RBFOX2: variants seen among roughly 807,000 people sequenced by gnomAD.
The protein encoded by RBFOX2 is RNA binding fox-1 homolog 2.
A neutral mutation model predicts 49.1 loss-of-function variants in RBFOX2; 10 were observed. The ratio of observed to expected loss-of-function variants is 0.20; its 90% CI spans 0.13 to 0.35. RBFOX2 has a LOEUF of 0.35. Among genes scored for constraint, RBFOX2 ranks in the 10% least tolerant of loss-of-function variants. RBFOX2 has a pLI of 1.00. For missense variants in RBFOX2, 323 were observed against 486.9 expected (o/e 0.66, Z 3.17); for synonymous variants, 183 against 187.4 (o/e 0.98, Z 0.19).
intron 1 of RBFOX2, among the ~76,000 whole-genome samples, chr22:36,004,497 T>C (rs2058548025): frequency 6.6e-6 from 1 of 152,134 alleles, no homozygotes; most frequent in African/African-American, 2.4e-5. Context: ...CCAAGTACTG[T>C]CTGATAGTTA....
At chr22:35,846,330 TTGTGTGTGTGTGTGTGTG>T (rs35272106) in intron 1 of RBFOX2, among the ~76,000 whole-genome samples, 4 of 140,436 alleles carry the variant, frequency 2.8e-5, no homozygotes, top group African/African-American at 7.8e-5. Flanking sequence ...ATTTATATAG[TTGTGTGTGTGTGTGTGTG>T]TGTGTGTGTG....
chr22:36,013,652 G>C (rs1046049285), intron 1 of RBFOX2, among the ~76,000 whole-genome samples: 12 of 150,482 alleles, frequency 8.0e-5, no homozygotes, highest in African/African-American at 2.7e-4. Context: ...CACACACAGA[G>C]AGAGAGAGAG....
At chr22:36,008,799 T>C (rs2058709984) in intron 1 of RBFOX2, among the ~76,000 whole-genome samples, 1 of 151,828 alleles carries the variant, frequency 6.6e-6, no homozygotes, top group African/African-American at 2.4e-5. Context: ...GGCCACAGAA[T>C]GAGACACTGT....
At chr22:35,915,360 CTTTCCCCAGGGGAGAA>C (rs2050295315) in intron 1 of RBFOX2, among the ~76,000 whole-genome samples, 1 of 152,230 alleles carries the variant, frequency 6.6e-6, no homozygotes, top group African/African-American at 2.4e-5. Flanking sequence ...TAGCTAGATT[CTTTCCCCAGGGGAGAA>C]TGCAGGAAGT....
intron 1 of RBFOX2, among the ~76,000 whole-genome samples, chr22:35,886,750 T>TCA (rs955799587): frequency 6.6e-6 from 1 of 152,232 alleles, no homozygotes; most frequent in Admixed American, 6.5e-5. Flanking sequence ...ACTGATGCCT[T>TCA]CAACTGCATT....
intron 9 of RBFOX2, among the ~76,000 whole-genome samples, chr22:35,758,443 G>C (rs927401400): frequency 6.6e-6 from 1 of 152,118 alleles, no homozygotes; most frequent in Non-Finnish European, 1.5e-5. Flanking sequence ...AAATTCTCTT[G>C]GATTACAACG....
chr22:35,819,792 T>C (rs1027557592), intron 1 of RBFOX2, among the ~76,000 whole-genome samples: 2 of 152,310 alleles, frequency 1.3e-5, no homozygotes, highest in African/African-American at 2.4e-5. Context: ...AATAAACAGA[T>C]GGTATGCTAC....
chr22:35,979,444 T>C (rs2057353208), intron 1 of RBFOX2, among the ~76,000 whole-genome samples: 1 of 152,184 alleles, frequency 6.6e-6, no homozygotes, highest in African/African-American at 2.4e-5. Context: ...AAGTCCTATT[T>C]CGGGGAATAC....
At chr22:35,970,448 A>C (rs943551879) in intron 1 of RBFOX2, among the ~76,000 whole-genome samples, 2 of 151,798 alleles carry the variant, frequency 1.3e-5, no homozygotes, top group South Asian at 2.1e-4. Flanking sequence ...CAGGAGCTCA[A>C]GACCAGCCTG....
intron 1 of RBFOX2, among the ~76,000 whole-genome samples, chr22:35,893,310 A>G (rs750900448): frequency 1.3e-5 from 2 of 152,210 alleles, no homozygotes; most frequent in Non-Finnish European, 2.9e-5. Context: ...TCCAGGGTTA[A>G]TAAGTAAAAA....
At chr22:35,801,233 C>T (rs1220515922) in intron 2 of RBFOX2, among the ~76,000 whole-genome samples, 2 of 152,094 alleles carry the variant, frequency 1.3e-5, no homozygotes, top group Non-Finnish European at 2.9e-5. Context: ...AACAACGCTT[C>T]CTGTCTAACT....
chr22:35,745,247 T>C (rs1335168024), intron 11 of RBFOX2, among the ~76,000 whole-genome samples: 2 of 152,222 alleles, frequency 1.3e-5, no homozygotes, highest in Non-Finnish European at 2.9e-5. Context: ...CACTGTGGAA[T>C]GGCCTGTCTT....
chr22:35,841,093 G>C (rs553420914), upstream of RBFOX2, among the ~76,000 whole-genome samples: 18 of 152,290 alleles, frequency 1.2e-4, 1 homozygote, highest in South Asian at 3.5e-3. Flanking sequence ...TCTGAAAAAG[G>C]TGTCTACAAA....
intron 4 of RBFOX2, among the ~76,000 whole-genome samples, chr22:35,775,883 G>T (rs1446333537): frequency 8.0e-6 from 1 of 124,832 alleles, no homozygotes. Flanking sequence ...AAAAGAAAAA[G>T]AATTGGTAGC....
chr22:35,851,017 A>G (rs1322826693), intron 1 of RBFOX2, among the ~76,000 whole-genome samples: 5 of 152,230 alleles, frequency 3.3e-5, no homozygotes, highest in Non-Finnish European at 7.3e-5. Flanking sequence ...TGATTAAACC[A>G]TGAGGATTAA....
chr22:36,007,983 C>T (rs1474366374), intron 1 of RBFOX2, among the ~76,000 whole-genome samples: 1 of 152,022 alleles, frequency 6.6e-6, no homozygotes, highest in African/African-American at 2.4e-5. Context: ...TCAAATAATG[C>T]TATAATGTAT....
At chr22:35,917,014 C>A (rs996643917) in intron 1 of RBFOX2, among the ~76,000 whole-genome samples, 1 of 152,170 alleles carries the variant, frequency 6.6e-6, no homozygotes, top group Non-Finnish European at 1.5e-5. Flanking sequence ...AAAACAACTT[C>A]TATAAAGGAA....
chr22:35,972,511 T>C (rs1234825624), intron 1 of RBFOX2, among the ~76,000 whole-genome samples: 1 of 152,134 alleles, frequency 6.6e-6, no homozygotes, highest in Non-Finnish European at 1.5e-5. Context: ...ATAGTCTTGA[T>C]GGCCACTAAG....
chr22:35,989,759 G>A (rs1390827987), intron 1 of RBFOX2, among the ~76,000 whole-genome samples: 2 of 152,126 alleles, frequency 1.3e-5, no homozygotes, highest in East Asian at 3.9e-4. Flanking sequence ...AGGTAAAGGA[G>A]CTCCAATCTG....
Sources: gnomAD v4.1 joint callset for allele counts (sites outside exome capture counted in the v4.1 genomes callset) on GRCh38, gnomAD v4.1.1 for gene constraint, MANE v1.5 for transcripts, NCBI Gene and HGNC (gene_info 2026-07-23, HGNC 2026-07-21) for gene names.